Variants in PKD1L3 observed in about 807,000 individuals in gnomAD.
PKD1L3 encodes the protein polycystin 1 like 3, transient receptor potential channel interacting.
A neutral mutation model predicts 184.1 loss-of-function variants in PKD1L3; 239 were observed. The ratio of observed to expected loss-of-function variants is 1.30; its 90% CI spans 1.17 to 1.45. The LOEUF is 1.45. Among genes scored for constraint, PKD1L3 ranks in the 40% most tolerant of loss-of-function variants. The probability of loss-of-function intolerance (pLI) is 0.00; values close to 1 mark genes in which losing one functional copy is unlikely to be tolerated. For synonymous variants in PKD1L3, 996 were observed against 778.8 expected (o/e 1.28, Z -4.64); for missense variants, 2,660 against 2,067.2 (o/e 1.29, Z -5.56).
At chr16:71,980,710 C>T (rs1356870659) in intron 7 of PKD1L3, among the ~76,000 whole-genome samples, 1 of 152,130 alleles carries the variant, frequency 6.6e-6, no homozygotes, top group Admixed American at 6.6e-5. Context: ...TGGTGTGCAC[C>T]TGTAGTCTCA....
chr16:71,964,004 G>C (rs765644280), intron 15 of PKD1L3, among the ~76,000 whole-genome samples: 18 of 152,082 alleles, frequency 1.2e-4, no homozygotes, highest in Admixed American at 6.6e-4. Context: ...ATGGGTTGTA[G>C]TCTTTATCAT....
At chr16:71,975,865 TTAA>T (rs774722596) in intron 11 of PKD1L3, among the ~76,000 whole-genome samples, 7 of 152,202 alleles carry the variant, frequency 4.6e-5, no homozygotes, top group Admixed American at 1.3e-4. Context: ...AGTGATTGTA[TTAA>T]TGTTATTTTC....
rs767239099 is a variant in PKD1L3 at position 71,929,586 on chromosome 16, G to C, written c.5151C>G (p.Ala1717=). 4.5e-6 allele frequency: 7 copies of C among 1,551,776 alleles called. No individual in the cohort carries two copies. Among genetic ancestry groups the C allele is most frequent in the Admixed American group, 2.0e-5 (1 of 50,982 alleles). ...WPQKTSSEQA[A]TTAVGSDTEV... is the part of the protein sequence containing the mutation. Reference sequence around the variant, plus strand: ...CAGTGTCACTGCCCACTGCTGTCGTGGCTGCTTGCTCAGATGAGGTTTTTT... The same window carrying C: ...CAGTGTCACTGCCCACTGCTGTCGTCGCTGCTTGCTCAGATGAGGTTTTTT... The change falls in exon 30 of 30, where the codon GCC becomes GCG. Residue 1717 remains alanine (A), a synonymous_variant. Transcript: ENST00000620267.
Position 71,944,113 on chromosome 16 carries a change from G to A in PKD1L3, c.3776C>T (p.Ala1259Val). 1.3e-6 allele frequency: 2 copies of A among 1,551,424 alleles called. No individual in the cohort carries two copies. Among genetic ancestry groups the A allele is most frequent in the Non-Finnish European group, 1.7e-6 (2 of 1,146,580 alleles). ...SRDKNNPVYV[A>V]PAINSPTKHP... The stretch of plus-strand genomic sequence containing the variant: ...CTTAGTTGGACTATTTATAGCTGGG[G>A]CTACATAGACGGGGTTGTTCTTATC... Residue 1259 changes from alanine (A) to valine (V), a missense_variant, in exon 23 of 30, where the codon GCC becomes GTC. Ala to Val is a moderately conservative substitution (Grantham distance 64, BLOSUM62 0). Transcript: ENST00000620267.
rs2039348977 is a variant in PKD1L3 at position 71,963,229 on chromosome 16, G to C, written c.2588C>G (p.Ser863Ter). The C allele has an allele frequency of 5.8e-6, 9 of 1,550,072 alleles. No individual in the cohort carries two copies. In the East Asian group the frequency reaches 2.2e-4, roughly 38 times the overall value. Residue 863 changes from serine (S) to a stop codon, truncating the protein, a stop_gained, in exon 16 of 30, where the codon TCA becomes TGA. Coordinates refer to ENST00000620267, the MANE Select transcript of PKD1L3 (RefSeq NM_181536.2). LOFTEE classifies it high-confidence loss of function. ...CELDRVFIPV[S>*]KRELFSFRHL... ...CCTAAAGGAAAAGAGCTCTCTCTTTGAAACTGGGATGAAGACCCGGTCAAG... is the reference window on the plus strand; with the variant it reads ...CCTAAAGGAAAAGAGCTCTCTCTTTCAAACTGGGATGAAGACCCGGTCAAG...
rs1268232101 is a variant in PKD1L3 at position 71,998,258 on chromosome 16, G to C, written c.418+14C>G. On this transcript the variant is annotated intron_variant, in intron 2 of 29. Coordinates refer to ENST00000620267, the MANE Select transcript of PKD1L3 (RefSeq NM_181536.2). ...AAATTTGGGTCTTTGGCAGCATGTA[G>C]CTTTATCACTTACCAGTCTGGCAAA... is the stretch of plus-strand genomic sequence containing the variant. 2 of 1,551,678 alleles carry C rather than the reference G, an allele frequency of 1.3e-6. No individual in the cohort carries two copies. The highest frequency in any genetic ancestry group is 2.4e-5 in the South Asian group (2 of 83,992).
chr16:71,930,219 A>G, intron 28 of PKD1L3, 36 bp from the exon 29 acceptor site: 5 of 1,514,472 alleles, frequency 3.3e-6, no homozygotes, highest in Non-Finnish European at 4.4e-6. Context: ...AGTGACTGAC[A>G]ATTTAGTTTA....
At chr16:71,982,026 G>A (rs2040178887) in intron 7 of PKD1L3, 33 bp downstream of exon 7, 2 of 1,503,652 alleles carry the variant, frequency 1.3e-6, no homozygotes, top group Non-Finnish European at 1.8e-6. Flanking sequence ...ATGCTTCTAA[G>A]CAGATCTGGC....
intron 13 of PKD1L3, among the ~76,000 whole-genome samples, chr16:71,969,171 TCCAC>T: frequency 6.6e-6 from 1 of 152,016 alleles, no homozygotes; most frequent in African/African-American, 2.4e-5. Context: ...CCTCAGGTGA[TCCAC>T]CTGCCTCGGC....
Position 71,978,339 on chromosome 16 carries a change from T to C in PKD1L3, c.1443A>G (p.Arg481=). ...CACTTCCAATGCTTCCAACAATGTT[T>C]CTGTTGTCCAAATCCTTGAAGGGAT... The part of the protein sequence containing the change: ...AFNPFKDLDN[R]NIVGSIGSVL... The change falls in exon 10 of 30, where the codon AGA becomes AGG. Residue 481 remains arginine, a synonymous_variant. Coordinates refer to ENST00000620267, the MANE Select transcript of PKD1L3 (RefSeq NM_181536.2). 1.3e-6 allele frequency: 2 copies of C among 1,550,816 alleles called. No individual in the cohort carries two copies. The highest frequency in any genetic ancestry group is 1.7e-6 in the Non-Finnish European group (2 of 1,146,482).
intron 9 of PKD1L3, among the ~76,000 whole-genome samples, chr16:71,979,068 C>G (rs138484625): frequency 6.6e-6 from 1 of 152,330 alleles, no homozygotes; most frequent in African/African-American, 2.4e-5. Flanking sequence ...TGTCAGGTAA[C>G]TGCTGAAAGG....
At chr16:71,996,448 A>C (rs2040789022) in intron 2 of PKD1L3, among the ~76,000 whole-genome samples, 1 of 151,666 alleles carries the variant, frequency 6.6e-6, no homozygotes, top group African/African-American at 2.4e-5. Flanking sequence ...TTTAGTAGAG[A>C]CTGGGGTTTC....
intron 22 of PKD1L3, among the ~76,000 whole-genome samples, chr16:71,945,571 G>A (rs1335042795): frequency 5.9e-5 from 9 of 151,490 alleles, no homozygotes; most frequent in East Asian, 1.9e-4. Flanking sequence ...ACAGCTACTC[G>A]GGAGGCTGAC....
At chr16:71,987,509 A>G (rs1437789066) in intron 4 of PKD1L3, among the ~76,000 whole-genome samples, 2 of 152,006 alleles carry the variant, frequency 1.3e-5, no homozygotes, top group Non-Finnish European at 2.9e-5. Context: ...AGTGGCTGGG[A>G]CTACAGGACC....
intron 18 of PKD1L3, 36 bp downstream of exon 18, chr16:71,952,858 A>G (rs982928951): frequency 6.6e-7 from 1 of 1,510,332 alleles, no homozygotes; most frequent in African/African-American, 1.4e-5. Flanking sequence ...AGCAGGCAAT[A>G]AAATAAGATA....
Position 71,944,087 on chromosome 16 carries a change from G to A in PKD1L3, c.3802C>T (p.His1268Tyr), listed in dbSNP as rs1308887800. Residue 1268 changes from histidine to tyrosine, a missense_variant, in exon 23 of 30, where the codon CAC (histidine) becomes TAC (tyrosine). By Grantham distance (83) the His-to-Tyr change is moderately conservative. Transcript: ENST00000620267. ...TTCTTTTTCAAGGTTCTTTCTGGGT[G>A]CTTAGTTGGACTATTTATAGCTGGG... ...VAPAINSPTK[H>Y]PERTLKKKKL... The A allele has an allele frequency of 6.4e-7, 1 of 1,552,042 alleles. No homozygotes were observed. Among genetic ancestry groups the A allele is most frequent in the Non-Finnish European group, 8.7e-7 (1 of 1,146,994 alleles).
intron 5 of PKD1L3, among the ~76,000 whole-genome samples, chr16:71,984,832 C>T (rs2040297901): frequency 6.6e-6 from 1 of 152,202 alleles, no homozygotes; most frequent in African/African-American, 2.4e-5. Flanking sequence ...GCACTCCAGC[C>T]TGGGCGACAG....
At chr16:71,960,603 G>C (rs540791628) in intron 16 of PKD1L3, among the ~76,000 whole-genome samples, 5 of 151,316 alleles carry the variant, frequency 3.3e-5, no homozygotes, top group Admixed American at 6.6e-5. Context: ...ACATCCAATA[G>C]ACATATAAAA....
intron 2 of PKD1L3, among the ~76,000 whole-genome samples, chr16:71,994,161 C>G (rs1335084416): frequency 3.3e-5 from 5 of 152,124 alleles, no homozygotes; most frequent in African/African-American, 4.8e-5. Flanking sequence ...ATCATATAAC[C>G]ATGATGACTA....
Sources: allele counts gnomAD v4.1 joint callset (sites outside exome capture counted in the v4.1 genomes callset), GRCh38; gene constraint gnomAD v4.1.1; transcripts MANE v1.5; gene names NCBI Gene and HGNC (gene_info 2026-07-23, HGNC 2026-07-21).